Variants in UGGT2 observed in about 807,000 individuals in gnomAD.
UGGT2 encodes UDP-glucose:glycoprotein glucosyltransferase 2.
Under a neutral mutation model 192.1 loss-of-function variants are expected in UGGT2, and 180 were observed. The ratio of observed to expected loss-of-function variants is 0.94; its 90% CI spans 0.83 to 1.06. The LOEUF is 1.06. Among genes scored for constraint, UGGT2 ranks in the 50% least tolerant of loss-of-function variants. The pLI is 0.00. For synonymous variants in UGGT2, 580 were observed against 591.0 expected (o/e 0.98, Z 0.27); for missense variants, 1,849 against 1,795.7 (o/e 1.03, Z -0.54).
At chr13:95,857,097 A>AT (rs1346153549) in intron 33 of UGGT2, among the ~76,000 whole-genome samples, 1 of 151,986 alleles carries the variant, frequency 6.6e-6, no homozygotes, top group African/African-American at 2.4e-5. Context: ...TATATGTTTA[A>AT]TTTTTTTCTC....
intron 38 of UGGT2, among the ~76,000 whole-genome samples, chr13:95,811,050 G>A (rs754558370): frequency 2.0e-5 from 3 of 152,078 alleles, no homozygotes; most frequent in Non-Finnish European, 4.4e-5. Context: ...CAAAACCACA[G>A]TGAGATACTA....
At chr13:95,869,956 A>G (rs1891077691) in intron 29 of UGGT2, among the ~76,000 whole-genome samples, 1 of 152,238 alleles carries the variant, frequency 6.6e-6, no homozygotes, top group African/African-American at 2.4e-5. Context: ...GAAATTCTAA[A>G]AAACAATTTA....
intron 20 of UGGT2, among the ~76,000 whole-genome samples, chr13:95,919,802 G>A (rs1360725725): frequency 6.6e-6 from 1 of 152,098 alleles, no homozygotes; most frequent in African/African-American, 2.4e-5. Flanking sequence ...TAGATTCAAA[G>A]CTATTCCCAT....
chr13:95,993,811 A>G (rs2051531001), intron 7 of UGGT2, among the ~76,000 whole-genome samples: 1 of 152,146 alleles, frequency 6.6e-6, no homozygotes, highest in Non-Finnish European at 1.5e-5. Context: ...TAATAAAAAT[A>G]TTTCTTTAAT....
intron 10 of UGGT2, among the ~76,000 whole-genome samples, chr13:95,980,876 A>G (rs2051100185): frequency 6.6e-6 from 1 of 152,118 alleles, no homozygotes; most frequent in South Asian, 2.1e-4. Flanking sequence ...GTGTACCTGT[A>G]ATCCCAGCTA....
At chr13:95,909,285 A>T (rs1376138777) in intron 20 of UGGT2, among the ~76,000 whole-genome samples, 2 of 152,110 alleles carry the variant, frequency 1.3e-5, no homozygotes, top group Non-Finnish European at 2.9e-5. Flanking sequence ...TCATGCTGCT[A>T]TAAAGACACA....
At chr13:95,930,227 G>GACAGCCTACAGAA in intron 17 of UGGT2, among the ~76,000 whole-genome samples, 1 of 152,108 alleles carries the variant, frequency 6.6e-6, no homozygotes, top group Non-Finnish European at 1.5e-5. Flanking sequence ...TAGGCTGTCT[G>GACAGCCTACAGAA]TTTACTCTGT....
chr13:95,829,183 G>A (rs1886388573), intron 38 of UGGT2, among the ~76,000 whole-genome samples: 1 of 152,182 alleles, frequency 6.6e-6, no homozygotes, highest in Non-Finnish European at 1.5e-5. Context: ...AATAATAAGA[G>A]CGATTTATGA....
intron 37 of UGGT2, among the ~76,000 whole-genome samples, chr13:95,834,044 G>A (rs1381044065): frequency 6.6e-6 from 1 of 152,022 alleles, no homozygotes; most frequent in Admixed American, 6.6e-5. Context: ...CTTTTCCATA[G>A]TGACATATTC....
intron 25 of UGGT2, among the ~76,000 whole-genome samples, chr13:95,888,949 C>T (rs951515760): frequency 1.3e-5 from 2 of 151,896 alleles, no homozygotes; most frequent in African/African-American, 4.8e-5. Flanking sequence ...TGAGTAGTAA[C>T]TATGACTAGA....
At chr13:95,940,293 TATC>T (rs1054839256) in intron 15 of UGGT2, among the ~76,000 whole-genome samples, 5 of 151,920 alleles carry the variant, frequency 3.3e-5, no homozygotes, top group African/African-American at 1.2e-4. Flanking sequence ...TTTTCAAAAA[TATC>T]ATAACAAATT....
intron 5 of UGGT2, among the ~76,000 whole-genome samples, chr13:96,005,860 G>T (rs1456821955): frequency 6.6e-6 from 1 of 152,174 alleles, no homozygotes; most frequent in Non-Finnish European, 1.5e-5. Context: ...CTGTACAAAG[G>T]GAAGATCCAA....
Position 95,877,056 on chromosome 13 carries a change from G to T in UGGT2, c.3473+223C>A, listed in dbSNP as rs1891757431. 3 of 373,112 alleles carry T rather than the reference G, an allele frequency of 8.0e-6. No homozygotes were observed. The East Asian group carries it at 1.3e-4, about 16-fold the overall frequency. 23.1% of individuals were successfully genotyped at this position (373,112 alleles called of 1,614,324 possible). A position where few individuals can be genotyped will look rare whatever the true frequency, so the allele number is the denominator to read the frequency against. ...GCGCCACCATGTCTGGCAAATTTTT[G>T]TATTTTTAGTACAGATGGGGTTTTG... On this transcript the variant is annotated intron_variant, in intron 29 of 38. Transcript: ENST00000376747.
At chr13:95,946,371 G>A (rs1187126643) in intron 15 of UGGT2, among the ~76,000 whole-genome samples, 1 of 152,094 alleles carries the variant, frequency 6.6e-6, no homozygotes, top group Admixed American at 6.6e-5. Context: ...ACTCTGCAAT[G>A]ATTTTTTGTT....
intron 31 of UGGT2, chr13:95,863,326 T>C (rs1566605780): frequency 1.3e-5 from 3 of 232,318 alleles, no homozygotes; most frequent in East Asian, 8.9e-5. Flanking sequence ...TCTTTAACTT[T>C]TGAAATCCTG....
Position 95,927,338 on chromosome 13 carries a change from T to TA in UGGT2, c.1978-3dup, listed in dbSNP as rs1366804825. 6 of 1,592,426 alleles carry TA rather than the reference T, an allele frequency of 3.8e-6. No individual in the cohort carries two copies. The highest frequency in any genetic ancestry group is 2.2e-5 in the East Asian group (1 of 44,558). On this transcript the variant is annotated splice_polypyrimidine_tract_variant and splice_region_variant and intron_variant, in intron 17 of 38. Transcript: ENST00000376747. ...ATTCGTGCGATCATTTAATGTGCCC[T>TA]AAAAAAACAAAAATGTTATTTAGAT...
rs745310696 is a variant in UGGT2 at position 96,053,317 on chromosome 13, C to G, written c.-5G>C. ...CGTGGCTTTCGCTGGCGCCATGGCACGGAGAGAAAAGCGCGAGTCCCTCGG... is the reference window on the plus strand; with the variant it reads ...CGTGGCTTTCGCTGGCGCCATGGCAGGGAGAGAAAAGCGCGAGTCCCTCGG... On this transcript the variant is annotated 5_prime_UTR_variant, in exon 1 of 39. Coordinates refer to ENST00000376747, the MANE Select transcript of UGGT2 (RefSeq NM_020121.4). 2 of 1,580,912 alleles carry G rather than the reference C, an allele frequency of 1.3e-6. No individual in the cohort carries two copies. The highest frequency in any genetic ancestry group is 2.3e-5 in the South Asian group (2 of 87,848).
At chr13:95,932,210 CATTT>C (rs1566719750) in intron 17 of UGGT2, among the ~76,000 whole-genome samples, 2 of 151,906 alleles carry the variant, frequency 1.3e-5, no homozygotes, top group South Asian at 4.2e-4. Flanking sequence ...AATGTTTACC[CATTT>C]GTTTGCATAA....
In UGGT2 at chr13:95,801,675, A is replaced by G. The variant is rs1422937897; in HGVS notation, c.*115T>C. 2.0e-6 allele frequency: 2 copies of G among 1,012,982 alleles called. No individual in the cohort carries two copies. The highest frequency in any genetic ancestry group is 2.4e-5 in the Admixed American group (1 of 41,758). 62.7% of individuals were successfully genotyped at this position (1,012,982 alleles called of 1,614,324 possible). ...AATTACAATTTTTTAAAATTAAAGA[A>G]TATGTCACTGATCTTAACGAGACTT... On this transcript the variant is annotated 3_prime_UTR_variant, in exon 39 of 39. Transcript: ENST00000376747.
Sources: gnomAD v4.1 joint callset for allele counts (sites outside exome capture counted in the v4.1 genomes callset) on GRCh38, gnomAD v4.1.1 for gene constraint, MANE v1.5 for transcripts, NCBI Gene and HGNC (gene_info 2026-07-23, HGNC 2026-07-21) for gene names.